Variants in CA8 observed in about 807,000 individuals in gnomAD.
The protein encoded by CA8 is carbonic anhydrase 8 (inactive).
In CA8, 22 loss-of-function variants were observed where a neutral mutation model predicts 41.4. The ratio of observed to expected loss-of-function variants is 0.53; its 90% CI spans 0.38 to 0.76. The LOEUF (loss-of-function observed/expected upper bound fraction) is 0.76, where lower values mean the gene tolerates loss of function less well. Among genes scored for constraint, CA8 ranks in the 30% least tolerant of loss-of-function variants. CA8 has a pLI of 0.00. For synonymous variants in CA8, 121 were observed against 130.6 expected, an observed-to-expected ratio of 0.93 and a Z score of 0.50; for missense variants, 270 against 352.8, an observed-to-expected ratio of 0.77 and a Z score of 1.88.
intron 3 of CA8, chr8:60,265,709 C>T: frequency 1.8e-6 from 1 of 557,176 alleles, no homozygotes; most frequent in Admixed American, 3.1e-5. Flanking sequence ...GCCTTTCTGG[C>T]CATGTGCTCA....
intron 7 of CA8, among the ~76,000 whole-genome samples, chr8:60,221,237 G>C (rs1807233753): frequency 1.3e-5 from 2 of 152,060 alleles, no homozygotes; most frequent in South Asian, 4.1e-4. Flanking sequence ...TAAACCTCTT[G>C]GACTGGGTTG....
At chr8:60,278,577 A>C (rs956208346) in intron 2 of CA8, among the ~76,000 whole-genome samples, 3 of 152,198 alleles carry the variant, frequency 2.0e-5, no homozygotes, top group African/African-American at 7.2e-5. Flanking sequence ...ACACCCCCAA[A>C]AAAATTCAAG....
intron 7 of CA8, among the ~76,000 whole-genome samples, chr8:60,211,015 A>G (rs1281360658): frequency 1.3e-5 from 2 of 152,188 alleles, no homozygotes; most frequent in Non-Finnish European, 2.9e-5. Flanking sequence ...AAAAAGAAGA[A>G]TATCACAGTG....
chr8:60,232,467 C>T (rs1488334016), intron 3 of CA8, 88 bp from the exon 4 acceptor site: 3 of 908,584 alleles, frequency 3.3e-6, no homozygotes, highest in Non-Finnish European at 3.7e-6. Context: ...TTTACTATTT[C>T]TATATGGTAT....
At chr8:60,208,645 C>G in intron 8 of CA8, 105 bp downstream of exon 8, 1 of 953,826 alleles carries the variant, frequency 1.0e-6, no homozygotes, top group Non-Finnish European at 1.7e-6. Flanking sequence ...AGATGAAGTA[C>G]ATACGCTTTT....
Position 60,281,256 on chromosome 8 carries a change from G to C in CA8, c.-109C>G, listed in dbSNP as rs567058877. On this transcript the variant is annotated 5_prime_UTR_variant, in exon 1 of 9. Transcript: ENST00000317995. ...CGCGTGGGGGAGTGTGAGCACGCGTGAGCGGCAGTGTGAGTGCGAGAGCGC... is the reference window on the plus strand; with the variant it reads ...CGCGTGGGGGAGTGTGAGCACGCGTCAGCGGCAGTGTGAGTGCGAGAGCGC... 696 of 743,484 alleles carry C rather than the reference G, an allele frequency of 9.4e-4. 4 individuals carry two copies. The African/African-American group carries it at 0.011, about 11-fold the overall frequency. 46.1% of individuals were successfully genotyped at this position (743,484 alleles called of 1,614,324 possible). A position where few individuals can be genotyped will look rare whatever the true frequency, so the allele number is the denominator to read the frequency against.
intron 2 of CA8, among the ~76,000 whole-genome samples, chr8:60,275,406 T>C (rs374580130): frequency 2.3e-4 from 34 of 150,974 alleles, no homozygotes; most frequent in African/African-American, 7.3e-4. Flanking sequence ...AGAAGCAATA[T>C]AGAAAAGAAT....
chr8:60,251,412 A>G (rs1391845898), intron 3 of CA8, among the ~76,000 whole-genome samples: 3 of 152,250 alleles, frequency 2.0e-5, no homozygotes, highest in East Asian at 3.8e-4. Context: ...AATTCCTAGA[A>G]TTTAGCTTTG....
intron 3 of CA8, among the ~76,000 whole-genome samples, chr8:60,241,367 T>C (rs1356054693): frequency 3.9e-5 from 6 of 152,206 alleles, no homozygotes; most frequent in Non-Finnish European, 7.3e-5. Context: ...GACAGAGGGC[T>C]TCAGAGCAAC....
intron 3 of CA8, among the ~76,000 whole-genome samples, chr8:60,246,875 CTTTTTTTTTT>C (rs10567353): frequency 2.2e-5 from 2 of 89,132 alleles, no homozygotes; most frequent in East Asian, 2.8e-4. Flanking sequence ...ATAATAACCA[CTTTTTTTTTT>C]TTTTTTTTTT....
chr8:60,279,605 A>T, intron 2 of CA8, 84 bp downstream of exon 2: 2 of 1,200,128 alleles, frequency 1.7e-6, no homozygotes, highest in Non-Finnish European at 2.5e-6. Flanking sequence ...TGTACTTTTT[A>T]AATTGTGCAA....
In CA8 at chr8:60,186,271, G is replaced by A. The variant is rs1466804258; in HGVS notation, c.*3750C>T. Among the ~76,000 whole-genome samples the A allele has an allele frequency of 6.6e-6, 1 of 151,948 alleles. No homozygotes were observed. The highest frequency in any genetic ancestry group is 1.5e-5 in the Non-Finnish European group (1 of 67,920). On this transcript the variant is annotated 3_prime_UTR_variant, in exon 9 of 9. Coordinates refer to ENST00000317995, the MANE Select transcript of CA8 (RefSeq NM_004056.6). ...ACAATAATAGCACAAAAAGGGAGAA[G>A]AGAGTTCAGAGCTATTTAGTAGTAA... is the stretch of plus-strand genomic sequence containing the variant.
intron 7 of CA8, among the ~76,000 whole-genome samples, chr8:60,213,828 C>G (rs1031794598): frequency 1.3e-5 from 2 of 151,792 alleles, no homozygotes; most frequent in Non-Finnish European, 2.9e-5. Flanking sequence ...CATGTTCCCA[C>G]TGGACAGGGC....
chr8:60,187,654 C>T lies in CA8; in HGVS notation c.*2367G>A, dbSNP rs889082175. On this transcript the variant is annotated 3_prime_UTR_variant, in exon 9 of 9. Coordinates refer to ENST00000317995, the MANE Select transcript of CA8 (RefSeq NM_004056.6). ...TCTTAATTGGCAAACCTTCTGACAA[C>T]AGTATTACTTTACACACCATCAGGT... 1 of 152,124 alleles carries T rather than the reference C, an allele frequency of 6.6e-6. No individual in the cohort carries two copies. Among genetic ancestry groups the T allele is most frequent in the Non-Finnish European group, 1.5e-5 (1 of 68,012 alleles). The allele number at this position is 152,124 out of a possible 1,614,324, so 9.4% of individuals were successfully genotyped here.
chr8:60,276,018 A>G (rs910660548), intron 2 of CA8, among the ~76,000 whole-genome samples: 4 of 152,228 alleles, frequency 2.6e-5, no homozygotes, highest in South Asian at 2.1e-4. Context: ...GAAGTATAAT[A>G]AAGACACTTA....
At chr8:60,219,170 T>TC (rs1196669010) in intron 7 of CA8, among the ~76,000 whole-genome samples, 1 of 151,684 alleles carries the variant, frequency 6.6e-6, no homozygotes, top group Non-Finnish European at 1.5e-5. Context: ...CTGCCTTTTT[T>TC]TTTTTTTAGA....
intron 5 of CA8, among the ~76,000 whole-genome samples, chr8:60,226,139 TTTTA>T (rs1039569698): frequency 1.1e-4 from 17 of 152,146 alleles, no homozygotes; most frequent in African/African-American, 3.9e-4. Context: ...TTCCCCAAAT[TTTTA>T]TTTGTTTCAT....
At chr8:60,193,074 T>C (rs1806182310) in intron 8 of CA8, among the ~76,000 whole-genome samples, 1 of 152,102 alleles carries the variant, frequency 6.6e-6, no homozygotes. Context: ...ACTTCTATTA[T>C]TGTAATGATG....
intron 7 of CA8, 90 bp from the exon 8 acceptor site, chr8:60,209,009 T>C (rs1280772970): frequency 8.3e-6 from 11 of 1,319,432 alleles, no homozygotes; most frequent in Non-Finnish European, 8.6e-6. Context: ...AAAATATGTA[T>C]AAATTACAAG....
Sources: gnomAD v4.1 joint callset for allele counts (sites outside exome capture counted in the v4.1 genomes callset) on GRCh38, gnomAD v4.1.1 for gene constraint, MANE v1.5 for transcripts, NCBI Gene and HGNC (gene_info 2026-07-23, HGNC 2026-07-21) for gene names.